Variants in SEMA5B observed in about 807,000 individuals in gnomAD.
SEMA5B encodes the protein semaphorin-5B.
SEMA5B carries 66 observed loss-of-function variants against 135.0 expected under a neutral mutation model. The observed-to-expected ratio is 0.49, with a 90% CI of 0.40 to 0.60. SEMA5B has a LOEUF of 0.60. SEMA5B is among the 20% of genes least tolerant of loss of function. The pLI, the probability that SEMA5B is intolerant of heterozygous loss-of-function variation, is 0.00. For synonymous variants in SEMA5B, 690 were observed against 639.5 expected, an observed-to-expected ratio of 1.08 and a Z score of -1.19; for missense variants, 1,501 against 1,566.3, an observed-to-expected ratio of 0.96 and a Z score of 0.70.
intron 12 of SEMA5B, 37 bp downstream of exon 12, chr3:122,921,878 C>T (rs1214800171): frequency 2.7e-6 from 4 of 1,503,578 alleles, no homozygotes; most frequent in Non-Finnish European, 3.5e-6. Context: ...GCCTCCTCCG[C>T]AGTGGAGGCC....
At chr3:122,952,257 G>A (rs974974820) in intron 2 of SEMA5B, among the ~76,000 whole-genome samples, 10 of 152,088 alleles carry the variant, frequency 6.6e-5, no homozygotes, top group South Asian at 4.1e-4. Context: ...GCCTGGGTCC[G>A]TCCTGTGGCA....
intron 1 of SEMA5B, among the ~76,000 whole-genome samples, chr3:122,990,647 G>A (rs1475030114): frequency 6.6e-6 from 1 of 152,104 alleles, no homozygotes; most frequent in Non-Finnish European, 1.5e-5. Flanking sequence ...ACTGCCTCCT[G>A]TTCACATCAT....
At chr3:122,948,471 T>C in intron 3 of SEMA5B, 35 bp downstream of exon 3, 1 of 1,566,854 alleles carries the variant, frequency 6.4e-7, no homozygotes, top group Non-Finnish European at 8.7e-7. Flanking sequence ...GACACGGCCA[T>C]TGCAAGACAG....
rs71136597 is a variant in SEMA5B at position 122,932,243 on chromosome 3, A to ATTTTTTTTTT, written c.475-3195_475-3186dup. On this transcript the variant is annotated intron_variant, in intron 5 of 22. Transcript: ENST00000357599. ...GGTCTTACACATCCCTCTCAATATG[A>ATTTTTTTTTT]TTTTTTTTTTTTTTTTTTTTTTTTT... Among the ~76,000 whole-genome samples, 14 of 85,388 alleles carry ATTTTTTTTTT rather than the reference A, an allele frequency of 1.6e-4. 3 individuals carry two copies. Among genetic ancestry groups the ATTTTTTTTTT allele is most frequent in the Non-Finnish European group, 1.9e-4 (9 of 46,976 alleles). The allele number at this position is 85,388 out of a possible 152,430, so 56.0% of individuals were successfully genotyped here. A position where few individuals can be genotyped will look rare whatever the true frequency, so the allele number is the denominator to read the frequency against.
At chr3:122,984,345 C>A (rs549761959) in intron 1 of SEMA5B, among the ~76,000 whole-genome samples, 1 of 152,226 alleles carries the variant, frequency 6.6e-6, no homozygotes, top group Non-Finnish European at 1.5e-5. Context: ...TCCCACTAAC[C>A]CTATCACTCC....
At chr3:122,938,125 G>A (rs1005037682) in intron 5 of SEMA5B, among the ~76,000 whole-genome samples, 2 of 152,238 alleles carry the variant, frequency 1.3e-5, no homozygotes, top group African/African-American at 2.4e-5. Flanking sequence ...GGAATCGTAT[G>A]TGATCCCTTA....
intron 4 of SEMA5B, among the ~76,000 whole-genome samples, chr3:122,942,431 AC>A (rs1288214636): frequency 1.3e-5 from 2 of 152,156 alleles, no homozygotes; most frequent in East Asian, 3.8e-4. Context: ...CCTCTCCCCA[AC>A]CCCACACCCA....
intron 1 of SEMA5B, among the ~76,000 whole-genome samples, chr3:122,981,121 T>G (rs749759397): frequency 1.3e-5 from 2 of 152,244 alleles, no homozygotes; most frequent in African/African-American, 4.8e-5. Flanking sequence ...GGCTGGTGTG[T>G]GTTAAATGGA....
chr3:123,011,867 C>T (rs1025133858), intron 1 of SEMA5B, among the ~76,000 whole-genome samples: 3 of 152,206 alleles, frequency 2.0e-5, no homozygotes, highest in Non-Finnish European at 4.4e-5. Context: ...CCAGAAACCC[C>T]GCTCTGGGGC....
chr3:122,945,437 T>G (rs1222758937), intron 3 of SEMA5B, among the ~76,000 whole-genome samples: 1 of 152,196 alleles, frequency 6.6e-6, no homozygotes, highest in Admixed American at 6.5e-5. Flanking sequence ...AGGATCCTCC[T>G]CCTCCAGGAA....
At chr3:123,009,706 C>T (rs1257794740) in intron 1 of SEMA5B, among the ~76,000 whole-genome samples, 2 of 152,322 alleles carry the variant, frequency 1.3e-5, no homozygotes, top group East Asian at 3.9e-4. Context: ...CTGGTCCTCA[C>T]CCTACAGTGG....
At chr3:122,934,851 G>A (rs1939172676) in intron 5 of SEMA5B, among the ~76,000 whole-genome samples, 1 of 141,872 alleles carries the variant, frequency 7.0e-6, no homozygotes, top group Non-Finnish European at 1.5e-5. Flanking sequence ...ACTAGCCTTA[G>A]TGACAGAGTC....
intron 1 of SEMA5B, among the ~76,000 whole-genome samples, chr3:123,000,735 T>C (rs752542507): frequency 8.5e-5 from 13 of 152,152 alleles, no homozygotes; most frequent in South Asian, 2.1e-4. Context: ...ACAGTGCTTC[T>C]TAACAGGGGA....
At chr3:122,940,283 G>C (rs1438677982) in intron 4 of SEMA5B, among the ~76,000 whole-genome samples, 1 of 152,230 alleles carries the variant, frequency 6.6e-6, no homozygotes, top group African/African-American at 2.4e-5. Flanking sequence ...GAGTCAGAAG[G>C]CCACCATGCA....
chr3:122,987,010 C>T (rs1341857454), intron 1 of SEMA5B, among the ~76,000 whole-genome samples: 1 of 152,086 alleles, frequency 6.6e-6, no homozygotes, highest in Non-Finnish European at 1.5e-5. Context: ...TCTCAGGCTG[C>T]ATTTCTTGCA....
chr3:123,021,460 G>A (rs1037085969), intron 1 of SEMA5B, among the ~76,000 whole-genome samples: 1 of 152,136 alleles, frequency 6.6e-6, no homozygotes, highest in African/African-American at 2.4e-5. Flanking sequence ...TCAAGGCACC[G>A]AAAGCAGGGA....
intron 2 of SEMA5B, among the ~76,000 whole-genome samples, chr3:122,949,753 C>T (rs1939962147): frequency 6.6e-6 from 1 of 152,192 alleles, no homozygotes; most frequent in Admixed American, 6.5e-5. Context: ...GTTGGATCTG[C>T]TGATGCCACC....
At chr3:122,934,593 A>T (rs1352386117) in intron 5 of SEMA5B, among the ~76,000 whole-genome samples, 2 of 152,222 alleles carry the variant, frequency 1.3e-5, no homozygotes, top group African/African-American at 4.8e-5. Flanking sequence ...ATATCAACAA[A>T]TTGCAGCATA....
chr3:122,997,518 T>TCTCCCC (rs764169923), intron 1 of SEMA5B, among the ~76,000 whole-genome samples: 2,666 of 142,318 alleles, frequency 0.019, 90 homozygotes, highest in East Asian at 0.12. Flanking sequence ...CCCAGGCCTC[T>TCTCCCC]CCCCCCCCCG....
Sources: allele counts gnomAD v4.1 joint callset (sites outside exome capture counted in the v4.1 genomes callset), GRCh38; gene constraint gnomAD v4.1.1; transcripts MANE v1.5; gene names NCBI Gene and HGNC (gene_info 2026-07-23, HGNC 2026-07-21).